Variants in ATRNL1 observed in about 807,000 individuals in gnomAD.
ATRNL1 encodes attractin like 1.
A neutral mutation model predicts 182.7 loss-of-function variants in ATRNL1; 95 were observed. That is an observed-to-expected ratio of 0.52 (90% confidence interval 0.44 to 0.62). The LOEUF (loss-of-function observed/expected upper bound fraction) is 0.62. ATRNL1 is among the 20% of genes least tolerant of loss of function. The probability of loss-of-function intolerance (pLI) is 0.00; values close to 1 mark genes in which losing one functional copy is unlikely to be tolerated. For synonymous variants in ATRNL1, 576 were observed against 568.3 expected, an observed-to-expected ratio of 1.01 and a Z score of -0.19; for missense variants, 1,471 against 1,679.5, an observed-to-expected ratio of 0.88 and a Z score of 2.17.
rs537318629 is a variant in ATRNL1 at position 115,362,767 on chromosome 10, A to G, written c.3175+28348A>G. Among the ~76,000 whole-genome samples the G allele has an allele frequency of 5.0e-3, 755 of 151,684 alleles. 5 individuals carry two copies. The highest frequency in any genetic ancestry group is 0.016 in the African/African-American group (663 of 41,336). ...TTCCCACCAATGAGTGAGAATATGCAGTGTTTGGTTTTTTGTTCTTGCGAT... is the reference window on the plus strand; with the variant it reads ...TTCCCACCAATGAGTGAGAATATGCGGTGTTTGGTTTTTTGTTCTTGCGAT... On this transcript the variant is annotated intron_variant, in intron 19 of 28. Coordinates refer to ENST00000355044, the MANE Select transcript of ATRNL1 (RefSeq NM_207303.4).
intron 24 of ATRNL1, among the ~76,000 whole-genome samples, chr10:115,517,987 A>G (rs1475285558): frequency 6.6e-6 from 1 of 151,894 alleles, no homozygotes; most frequent in Non-Finnish European, 1.5e-5. Flanking sequence ...GTGTTTCATA[A>G]TTCAATAGCT....
intron 26 of ATRNL1, among the ~76,000 whole-genome samples, chr10:115,562,101 C>T (rs782440776): frequency 6.6e-6 from 1 of 152,086 alleles, no homozygotes; most frequent in East Asian, 1.9e-4. Flanking sequence ...TTCATTACAG[C>T]TTTAAAGTAG....
At chr10:115,930,468 ACAGTT>A (rs1256685067) in intron 28 of ATRNL1, among the ~76,000 whole-genome samples, 3 of 152,196 alleles carry the variant, frequency 2.0e-5, no homozygotes, top group Non-Finnish European at 4.4e-5. Flanking sequence ...ACTGATCTGA[ACAGTT>A]CAGTCCAACA....
chr10:115,888,124 C>T (rs547472995), intron 28 of ATRNL1, among the ~76,000 whole-genome samples: 2 of 152,156 alleles, frequency 1.3e-5, no homozygotes, highest in Non-Finnish European at 1.5e-5. Context: ...GCCGAGTTCT[C>T]TAAGGTAGCA....
At chr10:115,207,150 C>T (rs1848829832) in intron 8 of ATRNL1, among the ~76,000 whole-genome samples, 1 of 152,074 alleles carries the variant, frequency 6.6e-6, no homozygotes, top group South Asian at 2.1e-4. Flanking sequence ...AATAAACATA[C>T]ATGTGCATGT....
intron 26 of ATRNL1, among the ~76,000 whole-genome samples, chr10:115,678,166 G>A (rs1034940): frequency 0.2 from 31,113 of 151,864 alleles, 3,456 homozygotes; most frequent in South Asian, 0.25. Context: ...ATTCAACAAA[G>A]AGAGGAAGTG....
chr10:115,936,868 G>A (rs1482623760), intron 28 of ATRNL1, among the ~76,000 whole-genome samples: 1 of 152,112 alleles, frequency 6.6e-6, no homozygotes, highest in African/African-American at 2.4e-5. Context: ...GGCTTAGAAA[G>A]AAGGAATTTC....
chr10:115,531,278 C>T (rs1851564122), intron 25 of ATRNL1, among the ~76,000 whole-genome samples: 2 of 152,200 alleles, frequency 1.3e-5, no homozygotes, highest in South Asian at 4.2e-4. Context: ...TCCACATCCT[C>T]TCCAGCACCC....
At chr10:115,713,446 T>TGC (rs1555055165) in intron 26 of ATRNL1, among the ~76,000 whole-genome samples, 1 of 93,882 alleles carries the variant, frequency 1.1e-5, no homozygotes, top group African/African-American at 4.3e-5. Context: ...AAAGTGGCTG[T>TGC]GTGTGTGTGT....
intron 26 of ATRNL1, among the ~76,000 whole-genome samples, chr10:115,720,463 G>A (rs1034870796): frequency 6.6e-6 from 1 of 152,088 alleles, no homozygotes; most frequent in Non-Finnish European, 1.5e-5. Flanking sequence ...TTTAATTCCT[G>A]TCAGTAGAAA....
chr10:115,647,283 A>T lies in ATRNL1; in HGVS notation c.3796-79965A>T, dbSNP rs1859693399. On this transcript the variant is annotated intron_variant, in intron 26 of 28. Coordinates refer to ENST00000355044, the MANE Select transcript of ATRNL1 (RefSeq NM_207303.4). Reference sequence around the variant, plus strand: ...ATATGTGTGCATGTGTCTTTATAGCAGCATGATTTGTAATCCTTTGGGTAT... The same window carrying T: ...ATATGTGTGCATGTGTCTTTATAGCTGCATGATTTGTAATCCTTTGGGTAT... Among the ~76,000 whole-genome samples the T allele has an allele frequency of 2.0e-5, 3 of 152,180 alleles. No individual in the cohort carries two copies. In the South Asian group the frequency reaches 6.2e-4, roughly 31 times the overall value.
At chr10:115,290,492 T>G (rs570303520) in intron 15 of ATRNL1, among the ~76,000 whole-genome samples, 5 of 152,170 alleles carry the variant, frequency 3.3e-5, no homozygotes, top group Admixed American at 6.5e-5. Flanking sequence ...CCGTCTCTAC[T>G]AAAAATATAA....
chr10:115,729,765 C>T (rs1397882629), intron 27 of ATRNL1, among the ~76,000 whole-genome samples: 1 of 152,092 alleles, frequency 6.6e-6, no homozygotes, highest in Non-Finnish European at 1.5e-5. Context: ...CTCTCAACTT[C>T]CCTCTGTTTC....
intron 27 of ATRNL1, among the ~76,000 whole-genome samples, chr10:115,824,993 A>G (rs782034810): frequency 5.3e-5 from 8 of 152,204 alleles, no homozygotes; most frequent in Non-Finnish European, 1.2e-4. Flanking sequence ...ACCAACACAA[A>G]TGCCCATCAA....
intron 19 of ATRNL1, among the ~76,000 whole-genome samples, chr10:115,354,884 T>C (rs1856434552): frequency 6.6e-6 from 1 of 152,140 alleles, no homozygotes; most frequent in Non-Finnish European, 1.5e-5. Flanking sequence ...TTTTTTATTC[T>C]TTTAAATCTA....
Position 115,467,192 on chromosome 10 carries a change from A to C in ATRNL1, c.3436A>C (p.Ile1146Leu). 1.0e-5 allele frequency: 16 copies of C among 1,604,228 alleles called. No individual in the cohort carries two copies. The highest frequency in any genetic ancestry group is 1.4e-5 in the Non-Finnish European group (16 of 1,174,020). Residue 1146 changes from isoleucine (I) to leucine (L), a missense_variant, in exon 23 of 29, where the codon ATA (isoleucine) becomes CTA (leucine). By Grantham distance (5) the Ile-to-Leu change is conservative. Transcript: ENST00000355044. ...NPEQSNKNLD[I>L]SINASNNFNL... ...CTGGTAGTCGAACAAAAATCTGGATATATCAATTAATGCATCAAACAACTT... is the reference window on the plus strand; with the variant it reads ...CTGGTAGTCGAACAAAAATCTGGATCTATCAATTAATGCATCAAACAACTT...
intron 6 of ATRNL1, among the ~76,000 whole-genome samples, chr10:115,163,909 T>G (rs373237966): frequency 6.6e-6 from 1 of 152,328 alleles, no homozygotes; most frequent in Non-Finnish European, 1.5e-5. Flanking sequence ...ACATTTATCT[T>G]ACAATTCCAA....
chr10:115,178,324 GAAAAATCCAGAA>G (rs1847616097), intron 8 of ATRNL1, among the ~76,000 whole-genome samples: 1 of 152,042 alleles, frequency 6.6e-6, no homozygotes, highest in African/African-American at 2.4e-5. Flanking sequence ...AAAATTGTTG[GAAAAATCCAGAA>G]AATGTTTAAT....
At chr10:115,863,132 C>T (rs1054270120) in intron 28 of ATRNL1, among the ~76,000 whole-genome samples, 1 of 152,094 alleles carries the variant, frequency 6.6e-6, no homozygotes, top group Non-Finnish European at 1.5e-5. Flanking sequence ...GTTGGAGGGA[C>T]ACTTCTCTGA....
Sources: allele counts gnomAD v4.1 joint callset (sites outside exome capture counted in the v4.1 genomes callset), GRCh38; gene constraint gnomAD v4.1.1; transcripts MANE v1.5; gene names NCBI Gene and HGNC (gene_info 2026-07-23, HGNC 2026-07-21).